STPG2: variants seen among roughly 807,000 people sequenced by gnomAD.
The protein encoded by STPG2 is sperm tail PG-rich repeat containing 2.
A neutral mutation model predicts 54.2 loss-of-function variants in STPG2; 56 were observed. The observed-to-expected ratio is 1.03, with a 90% CI of 0.83 to 1.29. The LOEUF is 1.29. Among genes scored for constraint, STPG2 ranks in the 50% most tolerant of loss-of-function variants. The pLI is 0.00. For missense variants in STPG2, 596 were observed against 544.9 expected (o/e 1.09, Z -0.93); for synonymous variants, 200 against 181.8 (o/e 1.10, Z -0.81).
At chr4:97,562,160 C>A (rs1352403654) in intron 10 of STPG2, among the ~76,000 whole-genome samples, 1 of 152,046 alleles carries the variant, frequency 6.6e-6, no homozygotes, top group South Asian at 2.1e-4. Flanking sequence ...CCTTCACGTC[C>A]CTCGTAAGGT....
At chr4:97,628,827 C>A (rs990035611) in intron 10 of STPG2, among the ~76,000 whole-genome samples, 1 of 151,950 alleles carries the variant, frequency 6.6e-6, no homozygotes, top group Non-Finnish European at 1.5e-5. Context: ...TTGATTTTTA[C>A]AATATTGTCA....
intron 8 of STPG2, among the ~76,000 whole-genome samples, chr4:97,925,030 T>C (rs577826869): frequency 5.9e-5 from 9 of 152,280 alleles, no homozygotes; most frequent in African/African-American, 2.2e-4. Context: ...TTAGAACAGA[T>C]TGCATTCTCA....
chr4:97,830,745 C>T (rs1461947321), intron 9 of STPG2, among the ~76,000 whole-genome samples: 2 of 152,078 alleles, frequency 1.3e-5, no homozygotes, highest in Non-Finnish European at 2.9e-5. Flanking sequence ...ATAAAACAGA[C>T]TTTAAACAAC....
chr4:97,552,517 C>A (rs1265778924), intron 4 of STPG2, among the ~76,000 whole-genome samples: 3 of 151,988 alleles, frequency 2.0e-5, no homozygotes, highest in Non-Finnish European at 2.9e-5. Context: ...AACTAGATAT[C>A]ATATCATATT....
intron 10 of STPG2, among the ~76,000 whole-genome samples, chr4:97,686,201 A>G (rs778456410): frequency 5.9e-5 from 9 of 152,068 alleles, no homozygotes; most frequent in Non-Finnish European, 1.0e-4. Flanking sequence ...TCCTTTCAAG[A>G]TGTATGTCTT....
rs200375140 is a variant in STPG2, at chr4:98,132,948, T to TA, written c.222+1398dup. Among the ~76,000 whole-genome samples, 563 of 101,506 alleles carry TA rather than the reference T, an allele frequency of 5.5e-3. 4 individuals carry two copies. The highest frequency in any genetic ancestry group is 7.1e-3 in the African/African-American group (206 of 28,964). The allele number at this position is 101,506 out of a possible 152,430, so 66.6% of individuals were successfully genotyped here. ...AAAAATTTTTACCCCTGAAATGAAC[T>TA]AAAAAAAAAAAAAAAAAAAAAAAAG... On this transcript the variant is annotated intron_variant, in intron 2 of 10. Coordinates refer to ENST00000295268, the MANE Select transcript of STPG2 (RefSeq NM_174952.3).
intron 9 of STPG2, among the ~76,000 whole-genome samples, chr4:97,820,074 C>A (rs139168711): frequency 1.3e-5 from 2 of 151,946 alleles, no homozygotes; most frequent in African/African-American, 4.8e-5. Context: ...CATGTCTCAA[C>A]GTCACATTTT....
chr4:98,040,861 C>T (rs145893926), intron 5 of STPG2, among the ~76,000 whole-genome samples: 16 of 151,714 alleles, frequency 1.1e-4, no homozygotes, highest in African/African-American at 2.2e-4. Context: ...CTGTGAAAAA[C>T]GACATTGGTA....
intron 4 of STPG2, among the ~76,000 whole-genome samples, chr4:97,538,666 A>C (rs534108980): frequency 2.6e-5 from 4 of 152,126 alleles, no homozygotes; most frequent in East Asian, 1.9e-4. Flanking sequence ...GGCAGGCCAA[A>C]ATTCAAATTC....
chr4:97,698,757 C>G (rs1421226706), intron 10 of STPG2, among the ~76,000 whole-genome samples: 2 of 152,098 alleles, frequency 1.3e-5, no homozygotes, highest in Non-Finnish European at 2.9e-5. Flanking sequence ...AGTATTGTCA[C>G]CTAGTCGGCG....
chr4:97,535,729 T>C (rs1404121844), intron 4 of STPG2, among the ~76,000 whole-genome samples: 4 of 152,186 alleles, frequency 2.6e-5, no homozygotes, highest in Non-Finnish European at 5.9e-5. Flanking sequence ...TTTATGCCTA[T>C]GCTGCTTCAG....
intron 10 of STPG2, among the ~76,000 whole-genome samples, chr4:97,650,753 C>T (rs963572057): frequency 3.9e-5 from 6 of 152,224 alleles, no homozygotes; most frequent in Middle Eastern, 3.4e-3. Flanking sequence ...TAAGATCCAG[C>T]TATGTTAATA....
chr4:98,075,204 T>C (rs1235288420), intron 5 of STPG2, among the ~76,000 whole-genome samples: 1 of 152,196 alleles, frequency 6.6e-6, no homozygotes, highest in Admixed American at 6.5e-5. Context: ...CCACCAAATC[T>C]AGCCTACATT....
At chr4:97,729,063 T>TTCTCTCTCTCTCTCTCTC (rs57186071) in intron 9 of STPG2, among the ~76,000 whole-genome samples, 6,263 of 124,602 alleles carry the variant, frequency 0.05, 446 homozygotes, top group Admixed American at 0.087. Flanking sequence ...CCCCAAGAAT[T>TTCTCTCTCTCTCTCTCTC]TCTCTCTCTC....
At chr4:97,963,160 A>AAAACAAAC (rs36002563) in intron 7 of STPG2, among the ~76,000 whole-genome samples, 5,584 of 150,282 alleles carry the variant, frequency 0.037, 164 homozygotes, top group Non-Finnish European at 0.06. Context: ...CTCCATCTCA[A>AAAACAAAC]AAACAAACAA....
At chr4:98,010,185 T>G (rs749096005) in intron 5 of STPG2, among the ~76,000 whole-genome samples, 5 of 152,212 alleles carry the variant, frequency 3.3e-5, no homozygotes, top group Non-Finnish European at 7.4e-5. Context: ...GAGCTTCATT[T>G]TTAAGTTATT....
chr4:97,540,210 A>T (rs952668797), intron 4 of STPG2, among the ~76,000 whole-genome samples: 5 of 152,182 alleles, frequency 3.3e-5, no homozygotes, highest in Non-Finnish European at 7.3e-5. Flanking sequence ...AAGATCCACA[A>T]AATTGATAGA....
At chr4:97,564,190 G>A (rs1355249490) in intron 10 of STPG2, among the ~76,000 whole-genome samples, 3 of 151,960 alleles carry the variant, frequency 2.0e-5, no homozygotes, top group African/African-American at 7.3e-5. Flanking sequence ...TTATGTAATG[G>A]CCTTCTTTGT....
chr4:98,077,225 T>TTTTGTTG (rs1553939674), intron 5 of STPG2, among the ~76,000 whole-genome samples: 1 of 148,570 alleles, frequency 6.7e-6, no homozygotes, highest in African/African-American at 2.5e-5. Flanking sequence ...CCTCAATAGT[T>TTTTGTTG]TTGTTGTTGT....
Sources: gnomAD v4.1 joint callset for allele counts (sites outside exome capture counted in the v4.1 genomes callset) on GRCh38, gnomAD v4.1.1 for gene constraint, MANE v1.5 for transcripts, NCBI Gene and HGNC (gene_info 2026-07-23, HGNC 2026-07-21) for gene names.